The following CLEC6A variants were observed in gnomAD, a reference collection of about 807,000 sequenced individuals.
CLEC6A encodes the protein C-type lectin domain family 6 member A.
Under a neutral mutation model 25.7 loss-of-function variants are expected in CLEC6A, and 22 were observed. That is an observed-to-expected ratio of 0.85 (90% CI 0.61 to 1.22). The LOEUF (loss-of-function observed/expected upper bound fraction) is 1.22, where lower values mean the gene tolerates loss of function less well. Among genes scored for constraint, CLEC6A ranks in the 50% most tolerant of loss-of-function variants. The probability of loss-of-function intolerance (pLI) is 0.00; values close to 1 mark genes in which losing one functional copy is unlikely to be tolerated. For missense variants in CLEC6A, 240 were observed against 236.8 expected (o/e 1.01, Z -0.09); for synonymous variants, 92 against 76.7 (o/e 1.20, Z -1.04).
At chr12:8,462,776 C>A (rs1277264785) in intron 3 of CLEC6A, among the ~76,000 whole-genome samples, 2 of 152,158 alleles carry the variant, frequency 1.3e-5, no homozygotes, top group South Asian at 2.1e-4. Context: ...ATGCTGAACG[C>A]TGGTTCCCTG....
Position 8,477,639 on chromosome 12 carries a change from C to T in CLEC6A, c.*175C>T, listed in dbSNP as rs115918284. 2,604 of 463,646 alleles carry T rather than the reference C, an allele frequency of 5.6e-3. 68 individuals are homozygous for T. Among genetic ancestry groups the T allele is most frequent in the African/African-American group, 0.047 (2,337 of 49,270 alleles). 28.7% of individuals were successfully genotyped at this position (463,646 alleles called of 1,614,324 possible). ...CCTGTTTCCCTTTAATCAATCTTCT[C>T]GTTTCCTCTTTTCCATTAATGATAG... On this transcript the variant is annotated 3_prime_UTR_variant, in exon 6 of 6. Transcript: ENST00000382073.
At chr12:8,460,770 G>T (rs1481303509) in intron 3 of CLEC6A, 1 of 1,402,314 alleles carries the variant, frequency 7.1e-7, no homozygotes, top group Non-Finnish European at 1.0e-6. Context: ...CGGGCCGACT[G>T]GGCTACAAGG....
chr12:8,456,749 TA>T (rs1156345532), intron 1 of CLEC6A, among the ~76,000 whole-genome samples: 2 of 152,178 alleles, frequency 1.3e-5, no homozygotes, highest in African/African-American at 4.8e-5. Flanking sequence ...TCACCTCAAA[TA>T]TTTATCATGT....
intron 1 of CLEC6A, among the ~76,000 whole-genome samples, chr12:8,456,793 C>T (rs7969325): frequency 0.75 from 113,838 of 151,594 alleles, 43,174 homozygotes; most frequent in East Asian, 0.99. Context: ...ATCTACTCTT[C>T]TAGCTATTTT....
At chr12:8,461,922 A>G (rs182220551) in intron 3 of CLEC6A, among the ~76,000 whole-genome samples, 1 of 152,176 alleles carries the variant, frequency 6.6e-6, no homozygotes, top group Non-Finnish European at 1.5e-5. Flanking sequence ...CCTCCAATAC[A>G]GTTTAATTTT....
At chr12:8,470,074 A>G (rs1190151356) in intron 4 of CLEC6A, among the ~76,000 whole-genome samples, 1 of 152,212 alleles carries the variant, frequency 6.6e-6, no homozygotes, top group African/African-American at 2.4e-5. Context: ...AATGAACTTG[A>G]ACAAATCAGC....
intron 3 of CLEC6A, chr12:8,460,700 G>A: frequency 6.7e-7 from 1 of 1,490,666 alleles, no homozygotes; most frequent in South Asian, 1.1e-5. Context: ...GTCCGCTGCT[G>A]GCAGTACCGC....
At position 8,460,607 on chromosome 12, in the gene CLEC6A, C is replaced by A. The variant is rs1939739860; in HGVS notation, c.223+909C>A. The A allele has an allele frequency of 4.0e-6, 5 of 1,244,822 alleles. No homozygotes were observed. In the East Asian group the frequency reaches 6.9e-5, roughly 17 times the overall value. The allele number at this position is 1,244,822 out of a possible 1,614,324, so 77.1% of individuals were successfully genotyped here. On this transcript the variant is annotated intron_variant, in intron 3 of 5. Coordinates refer to ENST00000382073, the MANE Select transcript of CLEC6A (RefSeq NM_001007033.2). Reference sequence around the variant, plus strand: ...CCTTTCTGTCTGGCGGAAGCCATCACATAAGTCAAGATGGGTGCATACAAG... The same window carrying A: ...CCTTTCTGTCTGGCGGAAGCCATCAAATAAGTCAAGATGGGTGCATACAAG...
At position 8,477,317 on chromosome 12, in the gene CLEC6A, T is replaced by A. The variant is rs1287908447; in HGVS notation, c.486-3T>A. On this transcript the variant is annotated splice_region_variant and splice_polypyrimidine_tract_variant and intron_variant, in intron 5 of 5. Transcript: ENST00000382073. The stretch of plus-strand genomic sequence containing the variant: ...TGTGTACTACCTTTTTGTTTTCCTT[T>A]AGATTTTGGCACCTAGGTGAGCCCA... 3.7e-6 allele frequency: 6 copies of A among 1,603,020 alleles called. No individual in the cohort carries two copies. Among genetic ancestry groups the A allele is most frequent in the Non-Finnish European group, 5.1e-6 (6 of 1,175,948 alleles).
intron 5 of CLEC6A, among the ~76,000 whole-genome samples, chr12:8,476,696 T>G (rs1324271507): frequency 3.9e-5 from 6 of 152,152 alleles, no homozygotes; most frequent in African/African-American, 7.2e-5. Flanking sequence ...TCTTATTTGA[T>G]TCTTCCAAAA....
rs114657610 is a variant in CLEC6A at position 8,475,639 on chromosome 12, G to A, written c.370-486G>A. On this transcript the variant is annotated intron_variant, in intron 4 of 5. Coordinates refer to ENST00000382073, the MANE Select transcript of CLEC6A (RefSeq NM_001007033.2). ...ATATGGATGAATTCCTCCTTCCTCT[G>A]CCTTTTGTTCTATTCAGGTCCTGAA... Among the ~76,000 whole-genome samples, 1,181 of 152,082 alleles carry A rather than the reference G, an allele frequency of 7.8e-3. 21 individuals are homozygous for A. Among genetic ancestry groups the A allele is most frequent in the African/African-American group, 0.028 (1,143 of 41,466 alleles).
chr12:8,459,549 T>A (rs763125854), intron 2 of CLEC6A, 48 bp from the exon 3 acceptor site: 1 of 1,226,808 alleles, frequency 8.2e-7, no homozygotes, highest in Non-Finnish European at 1.2e-6. Flanking sequence ...GCCTAAGGCT[T>A]TATAGCAAAA....
intron 5 of CLEC6A, 21 bp downstream of exon 5, chr12:8,476,261 T>A: frequency 7.3e-7 from 1 of 1,370,102 alleles, no homozygotes; most frequent in Non-Finnish European, 1.0e-6. Context: ...TTCTGGGGCC[T>A]TGTTTACATA....
rs1442749930 is a variant in CLEC6A at position 8,477,703 on chromosome 12, T to C, written c.*239T>C. 3.2e-6 allele frequency: 1 copy of C among 314,792 alleles called. No homozygotes were observed. Among genetic ancestry groups the C allele is most frequent in the Admixed American group, 5.0e-5 (1 of 19,904 alleles). The allele number at this position is 314,792 out of a possible 1,614,324, so 19.5% of individuals were successfully genotyped here. ...TCTCTTTGTTCCATTCTTTCACTTG[T>C]TATTCATTTTTTTCTTTCTTCACAC... On this transcript the variant is annotated 3_prime_UTR_variant, in exon 6 of 6. Coordinates refer to ENST00000382073, the MANE Select transcript of CLEC6A (RefSeq NM_001007033.2).
intron 5 of CLEC6A, among the ~76,000 whole-genome samples, chr12:8,476,967 G>T (rs1939982770): frequency 1.3e-5 from 2 of 152,100 alleles, no homozygotes; most frequent in South Asian, 4.1e-4. Context: ...GCTTAGGAAG[G>T]TGATAAGAAT....
intron 3 of CLEC6A, among the ~76,000 whole-genome samples, 179 bp downstream of exon 3, chr12:8,459,877 C>T (rs891014612): frequency 6.6e-6 from 1 of 152,140 alleles, no homozygotes; most frequent in African/African-American, 2.4e-5. Context: ...AGACATGCCT[C>T]CAGAATAATT....
At chr12:8,473,196 G>A (rs1346865706) in intron 4 of CLEC6A, among the ~76,000 whole-genome samples, 1 of 13,172 alleles carries the variant, frequency 7.6e-5, no homozygotes, top group Non-Finnish European at 2.1e-4. Flanking sequence ...GGGTTTCACC[G>A]TGTTAGCCAG....
chr12:8,468,638 C>T (rs1368136208), intron 4 of CLEC6A, among the ~76,000 whole-genome samples: 1 of 152,078 alleles, frequency 6.6e-6, no homozygotes, highest in Non-Finnish European at 1.5e-5. Flanking sequence ...TTAATATCTG[C>T]AAGTCAATTA....
intron 4 of CLEC6A, among the ~76,000 whole-genome samples, chr12:8,475,095 A>G (rs1009897631): frequency 2.6e-5 from 4 of 151,802 alleles, no homozygotes; most frequent in Non-Finnish European, 2.9e-5. Context: ...AAGTGTTCTC[A>G]TTGTTCAGTT....
Sources: gnomAD v4.1 joint callset for allele counts (sites outside exome capture counted in the v4.1 genomes callset) on GRCh38, gnomAD v4.1.1 for gene constraint, MANE v1.5 for transcripts, NCBI Gene and HGNC (gene_info 2026-07-23, HGNC 2026-07-21) for gene names.